The following ABCA3 variants were observed in gnomAD, a reference collection of about 807,000 sequenced individuals.
ABCA3 encodes ATP binding cassette subfamily A member 3, also known as phospholipid-transporting ATPase ABCA3.
Under a neutral mutation model 172.8 loss-of-function variants are expected in ABCA3, and 88 were observed. The ratio of observed to expected loss-of-function variants is 0.51; its 90% confidence interval spans 0.43 to 0.61. The LOEUF (loss-of-function observed/expected upper bound fraction) is 0.61, where lower values mean the gene tolerates loss of function less well. Among genes scored for constraint, ABCA3 ranks in the 20% least tolerant of loss-of-function variants. ABCA3 has a pLI of 0.00. For synonymous variants in ABCA3, 1,066 were observed against 983.8 expected, an observed-to-expected ratio of 1.08 and a Z score of -1.56; for missense variants, 2,164 against 2,301.0, an observed-to-expected ratio of 0.94 and a Z score of 1.22.
At chr16:2,291,190 G>C (rs1006931228) in intron 19 of ABCA3, among the ~76,000 whole-genome samples, 1 of 152,022 alleles carries the variant, frequency 6.6e-6, no homozygotes, top group Non-Finnish European at 1.5e-5. Flanking sequence ...CTAGCTGGGC[G>C]TAATGACGTG....
intron 6 of ABCA3, among the ~76,000 whole-genome samples, chr16:2,324,203 C>T (rs368850459): frequency 2.0e-5 from 3 of 152,166 alleles, no homozygotes; most frequent in African/African-American, 4.8e-5. Flanking sequence ...TGTTCTGACC[C>T]GTGGGTTTAA....
chr16:2,317,586 G>T, intron 9 of ABCA3, 62 bp downstream of exon 9: 1 of 1,596,472 alleles, frequency 6.3e-7, no homozygotes, highest in South Asian at 1.1e-5. Context: ...TCCCAAGAGG[G>T]CCCTCCTGGG....
Position 2,281,571 on chromosome 16 carries a change from AGGGAG to A in ABCA3, c.4036-67_4036-63del. The A allele has an allele frequency of 2.7e-6, 1 of 371,866 alleles. No individual in the cohort carries two copies. Among genetic ancestry groups the A allele is most frequent in the Non-Finnish European group, 5.1e-6 (1 of 197,836 alleles). The allele number at this position is 371,866 out of a possible 1,614,324, so 23.0% of individuals were successfully genotyped here. ...AGCCGCAGGGCGGCTTCCGTGGAGA[AGGGAG>A]GGGCGGGGGTGGATGTGGGAGGTCT... is the stretch of plus-strand genomic sequence containing the variant. On this transcript the variant is annotated intron_variant, in intron 26 of 32. Transcript: ENST00000301732. This position sits in a 1 kb window ranked among gnomAD's most constrained non-coding sequence, Gnocchi z 4.7.
rs184511538 is a variant in ABCA3 at position 2,287,268 on chromosome 16, T to C, written c.3005-301A>G. Among the ~76,000 whole-genome samples the C allele has an allele frequency of 3.3e-5, 5 of 152,076 alleles. No individual in the cohort carries two copies. The East Asian group carries it at 9.7e-4, about 29-fold the overall frequency. On this transcript the variant is annotated intron_variant, in intron 21 of 32. Coordinates refer to ENST00000301732, the MANE Select transcript of ABCA3 (RefSeq NM_001089.3). The surrounding 1 kb of genome is among the most constrained non-coding windows in gnomAD (Gnocchi z 4.1). ...TTCTGAGCCTGGGGCAGTATCCAAC[T>C]ATGACTACCAAGACTCTTTCTTTTT...
At chr16:2,340,155 C>G (rs1184979558) in intron 1 of ABCA3, among the ~76,000 whole-genome samples, 2 of 152,236 alleles carry the variant, frequency 1.3e-5, no homozygotes, top group Non-Finnish European at 2.9e-5. Flanking sequence ...GCCATCTCCG[C>G]AAGTGCGCGG....
chr16:2,309,383 C>T (rs1322237567), intron 10 of ABCA3, among the ~76,000 whole-genome samples: 6 of 152,202 alleles, frequency 3.9e-5, no homozygotes, highest in Non-Finnish European at 7.3e-5. Flanking sequence ...AAATCCCTCC[C>T]CTCCCACGCC....
intron 18 of ABCA3, among the ~76,000 whole-genome samples, chr16:2,293,353 C>A (rs1446328066): frequency 1.3e-5 from 2 of 149,526 alleles, no homozygotes; most frequent in East Asian, 4.0e-4. Context: ...AGCTACCGTG[C>A]CTGGCCAAAA....
At chr16:2,301,094 G>T (rs985918117) in intron 12 of ABCA3, among the ~76,000 whole-genome samples, 11 of 151,538 alleles carry the variant, frequency 7.3e-5, no homozygotes, top group Admixed American at 7.2e-4. Flanking sequence ...AGCCGGGCGT[G>T]GTGGTGGGCG....
chr16:2,314,646 G>A (rs1016683357), intron 10 of ABCA3, among the ~76,000 whole-genome samples: 3 of 151,834 alleles, frequency 2.0e-5, no homozygotes, highest in African/African-American at 4.8e-5. Flanking sequence ...GCATGATCAC[G>A]GCTCACCGCA....
At chr16:2,340,547 G>A (rs1191056999) in intron 1 of ABCA3, 26 bp downstream of exon 1, 2 of 149,204 alleles carry the variant, frequency 1.3e-5, no homozygotes, top group African/African-American at 4.9e-5. Context: ...ACGAGCGCGC[G>A]AGCGGCGGGT....
chr16:2,284,139 T>C lies in ABCA3; in HGVS notation c.3862+140A>G. ...GGCGCGAGGGGGCTGCTGTGGGAGGTGGGGCAAGGCGGTACAGAGGAACGC... is the reference window on the plus strand; with the variant it reads ...GGCGCGAGGGGGCTGCTGTGGGAGGCGGGGCAAGGCGGTACAGAGGAACGC... On this transcript the variant is annotated intron_variant, in intron 25 of 32. Coordinates refer to ENST00000301732, the MANE Select transcript of ABCA3 (RefSeq NM_001089.3). The surrounding 1 kb of genome is among the most constrained non-coding windows in gnomAD (Gnocchi z 5.9). 9.0e-7 allele frequency: 1 copy of C among 1,107,996 alleles called. No individual in the cohort carries two copies. The highest frequency in any genetic ancestry group is 1.2e-6 in the Non-Finnish European group (1 of 800,204). 68.6% of individuals were successfully genotyped at this position (1,107,996 alleles called of 1,614,324 possible).
intron 1 of ABCA3, among the ~76,000 whole-genome samples, chr16:2,335,721 C>T (rs764864452): frequency 2.6e-5 from 4 of 152,132 alleles, no homozygotes; most frequent in Admixed American, 6.6e-5. Context: ...GCATCCTAGG[C>T]GTGTTGGAGT....
At chr16:2,321,358 C>G (rs997029828) in intron 7 of ABCA3, among the ~76,000 whole-genome samples, 2 of 152,214 alleles carry the variant, frequency 1.3e-5, no homozygotes, top group Non-Finnish European at 2.9e-5. Flanking sequence ...GAGCATTAGC[C>G]TGGTGACAGC....
At chr16:2,307,016 C>CAAAAAAAA (rs201661615) in intron 11 of ABCA3, among the ~76,000 whole-genome samples, 46 of 66,002 alleles carry the variant, frequency 7.0e-4, no homozygotes, top group Non-Finnish European at 9.1e-4. Context: ...GACTCCGTCT[C>CAAAAAAAA]AAAAAAAAAA....
At chr16:2,289,183 G>T in intron 20 of ABCA3, 1 of 564,198 alleles carries the variant, frequency 1.8e-6, no homozygotes, top group East Asian at 3.0e-5. Context: ...ACAGAGCTGG[G>T]CACCCGACAA....
At chr16:2,309,833 TA>T (rs1254495247) in intron 10 of ABCA3, among the ~76,000 whole-genome samples, 1 of 152,088 alleles carries the variant, frequency 6.6e-6, no homozygotes, top group Non-Finnish European at 1.5e-5. Context: ...TTGTCAGGGC[TA>T]GTCTAAAGCT....
rs1365987746 is a variant in ABCA3 at position 2,287,008 on chromosome 16, G to A, written c.3005-41C>T. 1.3e-6 allele frequency: 2 copies of A among 1,597,812 alleles called. 1 individual carries two copies. Among genetic ancestry groups the A allele is most frequent in the South Asian group, 2.2e-5 (2 of 89,264 alleles). On this transcript the variant is annotated intron_variant, in intron 21 of 32. Coordinates refer to ENST00000301732, the MANE Select transcript of ABCA3 (RefSeq NM_001089.3). The surrounding 1 kb of genome is among the most constrained non-coding windows in gnomAD (Gnocchi z 4.1). Reference sequence around the variant, plus strand: ...AGAGTCAGGGGACACAGGAAGAGGTGACACCTGGGCACCCCCTGCCACCTG... The same window carrying A: ...AGAGTCAGGGGACACAGGAAGAGGTAACACCTGGGCACCCCCTGCCACCTG...
Position 2,304,738 on chromosome 16 carries a change from C to T in ABCA3, c.1286-588G>A, listed in dbSNP as rs372814925. Among the ~76,000 whole-genome samples the T allele has an allele frequency of 2.1e-3, 312 of 150,234 alleles. 1 individual carries two copies. Among genetic ancestry groups the T allele is most frequent in the African/African-American group, 7.0e-3 (288 of 40,932 alleles). ...TCTCCCAGGCTGGAGTGCAGTGGCA[C>T]GATCTCGGCTCACTGCAAGCTCCAC... is the stretch of plus-strand genomic sequence containing the variant. On this transcript the variant is annotated intron_variant, in intron 11 of 32. Coordinates refer to ENST00000301732, the MANE Select transcript of ABCA3 (RefSeq NM_001089.3).
intron 7 of ABCA3, among the ~76,000 whole-genome samples, chr16:2,322,383 T>C (rs2093727443): frequency 6.6e-6 from 1 of 151,904 alleles, no homozygotes; most frequent in Non-Finnish European, 1.5e-5. Context: ...TTCTTTCTTT[T>C]TTTTTTTAAT....
Sources: gnomAD v4.1 joint callset for allele counts (sites outside exome capture counted in the v4.1 genomes callset) on GRCh38, gnomAD v4.1.1 for gene constraint, Gnocchi (gnomAD v3.1) non-coding constraint, MANE v1.5 for transcripts, NCBI Gene and HGNC (gene_info 2026-07-23, HGNC 2026-07-21) for gene names.